TAFA5: variants seen among roughly 807,000 people sequenced by gnomAD.
TAFA5 encodes chemokine-like protein TAFA-5.
A neutral mutation model predicts 15.3 loss-of-function variants in TAFA5; 6 were observed. That is an observed-to-expected ratio of 0.39 (90% CI 0.21 to 0.77). The LOEUF is 0.77. Among genes scored for constraint, TAFA5 ranks in the 30% least tolerant of loss-of-function variants. TAFA5 has a pLI of 0.41. For synonymous variants in TAFA5, 103 were observed against 80.7 expected (o/e 1.28, Z -1.48); for missense variants, 161 against 193.1 (o/e 0.83, Z 0.98).
At chr22:48,559,565 C>T (rs563095270) in intron 1 of TAFA5, among the ~76,000 whole-genome samples, 8 of 152,246 alleles carry the variant, frequency 5.3e-5, no homozygotes, top group Admixed American at 2.6e-4. Context: ...CTGGTCTCCA[C>T]GTCCCCAAGG....
At chr22:48,694,611 A>C (rs1928643523) in intron 2 of TAFA5, among the ~76,000 whole-genome samples, 1 of 151,976 alleles carries the variant, frequency 6.6e-6, no homozygotes, top group Non-Finnish European at 1.5e-5. Flanking sequence ...TGTGCTGGTC[A>C]CAAGTCACCA....
chr22:48,697,619 G>GGTA (rs201068529), intron 2 of TAFA5, among the ~76,000 whole-genome samples: 1 of 151,388 alleles, frequency 6.6e-6, no homozygotes, highest in African/African-American at 2.4e-5. Context: ...TGATGATGGT[G>GGTA]ATGAAGACAG....
intron 1 of TAFA5, among the ~76,000 whole-genome samples, chr22:48,589,003 T>C (rs1005483095): frequency 9.9e-5 from 15 of 152,244 alleles, no homozygotes; most frequent in African/African-American, 2.4e-4. Flanking sequence ...CAAGCAGGCC[T>C]TCTGATTCGC....
intron 2 of TAFA5, among the ~76,000 whole-genome samples, chr22:48,701,253 C>A (rs994523551): frequency 6.6e-6 from 1 of 152,118 alleles, no homozygotes; most frequent in Non-Finnish European, 1.5e-5. Context: ...TGGCTTCCAC[C>A]CTCCCTCCAC....
intron 2 of TAFA5, among the ~76,000 whole-genome samples, chr22:48,684,456 C>G (rs1466536445): frequency 2.0e-5 from 3 of 152,148 alleles, no homozygotes; most frequent in Non-Finnish European, 4.4e-5. Context: ...CATGATGTGA[C>G]CTAACCATGG....
chr22:48,526,147 C>G (rs932465531), intron 1 of TAFA5, among the ~76,000 whole-genome samples: 1 of 152,222 alleles, frequency 6.6e-6, no homozygotes, highest in Admixed American at 6.5e-5. Context: ...TGGCCCTGCC[C>G]GGGTGCTCCC....
At chr22:48,610,582 G>GCA (rs1222605545) in intron 1 of TAFA5, among the ~76,000 whole-genome samples, 15 of 91,462 alleles carry the variant, frequency 1.6e-4, no homozygotes, top group Admixed American at 4.4e-4. Flanking sequence ...GGAGGGCTTT[G>GCA]TCCCCAGCAT....
intron 1 of TAFA5, among the ~76,000 whole-genome samples, chr22:48,491,036 C>T (rs537280781): frequency 6.6e-6 from 1 of 152,294 alleles, no homozygotes; most frequent in East Asian, 1.9e-4. Context: ...TTATGCATTT[C>T]CCTAGAAATG....
chr22:48,652,229 G>A (rs1041470507), intron 2 of TAFA5, among the ~76,000 whole-genome samples: 1 of 152,212 alleles, frequency 6.6e-6, no homozygotes, highest in Admixed American at 6.5e-5. Flanking sequence ...TCTATTGTAC[G>A]CAAGAGACTG....
chr22:48,704,064 C>T (rs1378028456), intron 2 of TAFA5, among the ~76,000 whole-genome samples: 1 of 152,156 alleles, frequency 6.6e-6, no homozygotes, highest in East Asian at 1.9e-4. Flanking sequence ...CCACATTGCA[C>T]TAAAGACTAC....
intron 3 of TAFA5, among the ~76,000 whole-genome samples, chr22:48,715,241 C>T (rs956654729): frequency 4.6e-5 from 7 of 152,218 alleles, no homozygotes; most frequent in East Asian, 1.9e-4. Context: ...TGCCACCAGC[C>T]GGCTGTTCAG....
chr22:48,537,578 G>A (rs949368875), intron 1 of TAFA5, among the ~76,000 whole-genome samples: 3 of 152,242 alleles, frequency 2.0e-5, no homozygotes, highest in African/African-American at 7.2e-5. Context: ...AGGCTCCTGG[G>A]AGGACCCAGA....
In TAFA5 at chr22:48,562,533, C is replaced by T. The variant is rs182863529; in HGVS notation, c.112+72829C>T. Among the ~76,000 whole-genome samples, 81 of 151,648 alleles carry T rather than the reference C, an allele frequency of 5.3e-4. No homozygotes were observed. The East Asian group carries it at 0.014, about 27-fold the overall frequency. ...GGCCTGTGACTCAGAGAGGCAGCCC[C>T]GTATCAGCAGCAAGCCCAGTCCTCC... On this transcript the variant is annotated intron_variant, in intron 1 of 3. Coordinates refer to ENST00000402357, the MANE Select transcript of TAFA5 (RefSeq NM_001082967.3).
chr22:48,535,058 G>A (rs1292370028), intron 1 of TAFA5, among the ~76,000 whole-genome samples: 3 of 152,092 alleles, frequency 2.0e-5, no homozygotes, highest in Non-Finnish European at 2.9e-5. Flanking sequence ...CCTCTCCCCA[G>A]CCTTGGGCAG....
intron 1 of TAFA5, among the ~76,000 whole-genome samples, chr22:48,562,385 G>A (rs898675247): frequency 6.6e-6 from 1 of 152,282 alleles, no homozygotes; most frequent in East Asian, 1.9e-4. Context: ...CGATCTGCCT[G>A]CCTCGGCCTC....
chr22:48,601,065 A>G (rs1924952506), intron 1 of TAFA5, among the ~76,000 whole-genome samples: 1 of 152,214 alleles, frequency 6.6e-6, no homozygotes, highest in Admixed American at 6.5e-5. Flanking sequence ...ATTTACAGAG[A>G]GACTCACGTG....
chr22:48,673,359 G>C (rs1176416028), intron 2 of TAFA5, among the ~76,000 whole-genome samples: 1 of 152,170 alleles, frequency 6.6e-6, no homozygotes, highest in Non-Finnish European at 1.5e-5. Flanking sequence ...GCTCCTCTCT[G>C]TGCCTCTGCT....
intron 1 of TAFA5, among the ~76,000 whole-genome samples, chr22:48,615,068 A>G (rs1042442936): frequency 2.0e-5 from 3 of 152,198 alleles, no homozygotes; most frequent in Non-Finnish European, 2.9e-5. Context: ...GATTCTAGGA[A>G]GTACTCGCTT....
intron 1 of TAFA5, among the ~76,000 whole-genome samples, chr22:48,591,385 CT>C (rs1471598553): frequency 2.0e-5 from 3 of 152,352 alleles, no homozygotes; most frequent in African/African-American, 7.2e-5. Context: ...CAAGCCACCC[CT>C]CTGGGTCCTG....
Sources: allele counts gnomAD v4.1 joint callset (sites outside exome capture counted in the v4.1 genomes callset), GRCh38; gene constraint gnomAD v4.1.1; transcripts MANE v1.5; gene names NCBI Gene and HGNC (gene_info 2026-07-23, HGNC 2026-07-21).